Variants in UGT1A6 observed in about 807,000 individuals in gnomAD.
UGT1A6 encodes the protein UDP-glucuronosyltransferase 1A6.
A neutral mutation model predicts 44.4 loss-of-function variants in UGT1A6; 32 were observed. That is an observed-to-expected ratio of 0.72 (90% CI 0.54 to 0.97). The LOEUF (loss-of-function observed/expected upper bound fraction) is 0.97, where lower values mean the gene tolerates loss of function less well. Among genes scored for constraint, UGT1A6 ranks in the 50% least tolerant of loss-of-function variants. The pLI is 0.00. For missense variants in UGT1A6, 685 were observed against 661.9 expected (o/e 1.03, Z -0.38); for synonymous variants, 238 against 248.5 (o/e 0.96, Z 0.40).
At chr2:233,735,660 T>C (rs2078678346) in intron 1 of UGT1A6, among the ~76,000 whole-genome samples, 1 of 152,214 alleles carries the variant, frequency 6.6e-6, no homozygotes, top group South Asian at 2.1e-4. Flanking sequence ...GGTGTTTCTT[T>C]CCATGTTTAG....
At chr2:233,724,314 G>A (rs1472414004) in intron 1 of UGT1A6, among the ~76,000 whole-genome samples, 88 of 143,820 alleles carry the variant, frequency 6.1e-4, no homozygotes, top group Middle Eastern at 3.9e-3. Context: ...CCTCCCGGAC[G>A]GGGCGGCTGG....
At chr2:233,747,178 G>A (rs1378396151) in intron 1 of UGT1A6, 1 of 1,600,996 alleles carries the variant, frequency 6.2e-7, no homozygotes, top group African/African-American at 1.3e-5. Context: ...GGCACAGCGT[G>A]GGGTGGACAG....
chr2:233,712,904 C>T, intron 1 of UGT1A6: 1 of 1,609,906 alleles, frequency 6.2e-7, no homozygotes, highest in African/African-American at 1.3e-5. Flanking sequence ...TGCTAGGTGT[C>T]TCAGTGACAA....
chr2:233,693,260 G>A lies in UGT1A6; in HGVS notation c.256G>A (p.Glu86Lys), dbSNP rs776937085. ...CTATCCAGTGCCGTATGACCAAGAA[G>A]AGCTGAAGAACCGTTACCAATCATT... is the stretch of plus-strand genomic sequence containing the variant. ...KIYPVPYDQEELKNRYQSFGN... is the reference protein window; with the variant it reads ...KIYPVPYDQEKLKNRYQSFGN... The change falls in exon 1 of 5, where the codon GAG becomes AAG. Residue 86 changes from glutamate to lysine, a missense_variant. Transcript: ENST00000305139. The A allele has an allele frequency of 7.4e-6, 12 of 1,614,006 alleles. No individual in the cohort carries two copies. The highest frequency in any genetic ancestry group is 1.0e-5 in the Non-Finnish European group (12 of 1,180,026).
At chr2:233,719,401 T>C in intron 1 of UGT1A6, 3 of 1,614,018 alleles carry the variant, frequency 1.9e-6, no homozygotes, top group South Asian at 1.1e-5. Context: ...TCCTCCTATA[T>C]TCCTAAGTTA....
At chr2:233,718,697 C>T (rs2125661774) in intron 1 of UGT1A6, 1 of 1,595,942 alleles carries the variant, frequency 6.3e-7, no homozygotes, top group Non-Finnish European at 8.5e-7. Flanking sequence ...GAGGAGGGCA[C>T]TTTGTCTTCC....
At chr2:233,692,864 T>A (rs2075117839), upstream of UGT1A6, 1 of 1,477,496 alleles carries the variant, frequency 6.8e-7, no homozygotes, top group South Asian at 1.4e-5. Flanking sequence ...TTCTTACATA[T>A]CAAAGGGTAA....
At chr2:233,761,146 T>A in intron 1 of UGT1A6, 1 of 1,614,232 alleles carries the variant, frequency 6.2e-7, no homozygotes, top group Non-Finnish European at 8.5e-7. Flanking sequence ...AAATCCACTA[T>A]CCCAGGTGTG....
chr2:233,725,118 G>C (rs1450437592), intron 1 of UGT1A6, among the ~76,000 whole-genome samples: 1 of 140,180 alleles, frequency 7.1e-6, no homozygotes, highest in Non-Finnish European at 1.5e-5. Context: ...GGAGGTTGCA[G>C]TGAGCCGAGA....
chr2:233,756,019 A>G (rs997763833), intron 1 of UGT1A6: 4 of 152,222 alleles, frequency 2.6e-5, no homozygotes, highest in Admixed American at 2.0e-4. Flanking sequence ...GTGATATTAC[A>G]CATCCCCCAT....
intron 1 of UGT1A6, chr2:233,713,713 G>A: frequency 6.2e-7 from 1 of 1,613,962 alleles, no homozygotes; most frequent in Non-Finnish European, 8.5e-7. Context: ...CTTTTTCAGA[G>A]AGAGGTGTCA....
chr2:233,742,329 G>T (rs1030248524), intron 1 of UGT1A6, among the ~76,000 whole-genome samples: 2 of 151,942 alleles, frequency 1.3e-5, no homozygotes, highest in Non-Finnish European at 2.9e-5. Context: ...GGGAAACAAA[G>T]GGATGGGCTC....
intron 1 of UGT1A6, among the ~76,000 whole-genome samples, chr2:233,757,869 G>C (rs1204071676): frequency 2.6e-5 from 4 of 151,938 alleles, no homozygotes; most frequent in African/African-American, 7.3e-5. Context: ...AAAGAAAGTA[G>C]CTTCAAAAGG....
At chr2:233,725,059 C>T (rs1273678780) in intron 1 of UGT1A6, among the ~76,000 whole-genome samples, 8 of 146,980 alleles carry the variant, frequency 5.4e-5, no homozygotes, top group African/African-American at 1.0e-4. Flanking sequence ...TGGCGGCGCG[C>T]GCCTGCAATC....
chr2:233,766,101 A>G (rs1699049254), intron 1 of UGT1A6, among the ~76,000 whole-genome samples: 1 of 152,188 alleles, frequency 6.6e-6, no homozygotes, highest in South Asian at 2.1e-4. Context: ...GGCTTTCTGT[A>G]TCCTGGGGGC....
intron 1 of UGT1A6, among the ~76,000 whole-genome samples, chr2:233,749,028 G>T (rs564218690): frequency 1.3e-5 from 2 of 151,722 alleles, no homozygotes; most frequent in South Asian, 4.2e-4. Context: ...AATATTTGGG[G>T]TTCATTGATG....
At chr2:233,744,688 T>C (rs1692891145) in intron 1 of UGT1A6, among the ~76,000 whole-genome samples, 1 of 151,894 alleles carries the variant, frequency 6.6e-6, no homozygotes, top group Admixed American at 6.5e-5. Flanking sequence ...ATGTAGCTTC[T>C]GGAAAACTCC....
At chr2:233,736,291 G>A (rs1279591906) in intron 1 of UGT1A6, among the ~76,000 whole-genome samples, 1 of 151,976 alleles carries the variant, frequency 6.6e-6, no homozygotes, top group Admixed American at 6.6e-5. Flanking sequence ...CTTTCTTCCA[G>A]TTGCTCTAAT....
At chr2:233,727,635 G>A (rs920148460) in intron 1 of UGT1A6, among the ~76,000 whole-genome samples, 17 of 152,184 alleles carry the variant, frequency 1.1e-4, no homozygotes, top group Non-Finnish European at 1.5e-4. Flanking sequence ...TGCACCCACA[G>A]CTGAGAATCC....
Sources: allele counts gnomAD v4.1 joint callset (sites outside exome capture counted in the v4.1 genomes callset), GRCh38; gene constraint gnomAD v4.1.1; transcripts MANE v1.5; gene names NCBI Gene and HGNC (gene_info 2026-07-23, HGNC 2026-07-21).